KHDRBS2: variants seen among roughly 807,000 people sequenced by gnomAD.
The protein encoded by KHDRBS2 is KH RNA binding domain containing, signal transduction associated 2, also known as KH domain-containing, RNA-binding, signal transduction-associated protein 2.
In KHDRBS2, 26 loss-of-function variants were observed where a neutral mutation model predicts 44.3. That is an observed-to-expected ratio of 0.59 (90% CI 0.43 to 0.81). KHDRBS2 has a LOEUF of 0.81. KHDRBS2 is among the 40% of genes least tolerant of loss of function. The probability of loss-of-function intolerance (pLI) is 0.00; values close to 1 mark genes in which losing one functional copy is unlikely to be tolerated. For synonymous variants in KHDRBS2, 194 were observed against 151.1 expected (o/e 1.28, Z -2.08); for missense variants, 476 against 433.1 (o/e 1.10, Z -0.88).
intron 2 of KHDRBS2, among the ~76,000 whole-genome samples, chr6:62,090,226 T>C (rs1366545473): frequency 6.6e-6 from 1 of 152,226 alleles, no homozygotes; most frequent in Non-Finnish European, 1.5e-5. Context: ...TCCTTCACCA[T>C]ACTAAAGGAA....
intron 2 of KHDRBS2, among the ~76,000 whole-genome samples, chr6:62,066,145 T>C (rs1254692653): frequency 6.6e-6 from 1 of 151,640 alleles, no homozygotes; most frequent in South Asian, 2.1e-4. Context: ...CATTATTAAG[T>C]GAAAACTATT....
downstream of KHDRBS2, chr6:61,678,947 C>T (rs1766094266): frequency 6.6e-6 from 1 of 151,730 alleles, no homozygotes; most frequent in Admixed American, 6.6e-5. Flanking sequence ...TTTGTGGGTA[C>T]CTGAAATAAT....
intron 2 of KHDRBS2, among the ~76,000 whole-genome samples, chr6:62,071,588 T>G (rs1584509783): frequency 6.6e-6 from 1 of 152,308 alleles, no homozygotes; most frequent in South Asian, 2.1e-4. Context: ...CACCATTTAT[T>G]AAATAGGGAA....
intron 1 of KHDRBS2, among the ~76,000 whole-genome samples, chr6:62,248,805 A>T (rs145915062): frequency 6.6e-6 from 1 of 152,256 alleles, no homozygotes; most frequent in East Asian, 1.9e-4. Flanking sequence ...CAAAGTAAAC[A>T]TGCTGTACCA....
At chr6:62,079,662 T>C (rs950523417) in intron 2 of KHDRBS2, among the ~76,000 whole-genome samples, 3 of 152,176 alleles carry the variant, frequency 2.0e-5, no homozygotes, top group African/African-American at 4.8e-5. Flanking sequence ...CTTAATCCCA[T>C]GAAACTTTGA....
chr6:61,627,094 A>C, the KHDRBS2 span, among the ~76,000 whole-genome samples: 1 of 151,452 alleles, frequency 6.6e-6, no homozygotes, highest in Non-Finnish European at 1.5e-5. Context: ...TCTACTAAAA[A>C]TACAAAAAAT....
chr6:62,240,266 T>C (rs1280777228), intron 1 of KHDRBS2, among the ~76,000 whole-genome samples: 1 of 152,132 alleles, frequency 6.6e-6, no homozygotes, highest in Non-Finnish European at 1.5e-5. Flanking sequence ...TTCTAATATA[T>C]CCCCATCACT....
intron 2 of KHDRBS2, among the ~76,000 whole-genome samples, chr6:62,146,895 A>C (rs1814058704): frequency 6.6e-6 from 1 of 151,924 alleles, no homozygotes; most frequent in Non-Finnish European, 1.5e-5. Context: ...AGGCTTCTCC[A>C]TGGGTAAAGG....
chr6:61,576,177 TATG>T, the KHDRBS2 span, among the ~76,000 whole-genome samples: 1 of 152,190 alleles, frequency 6.6e-6, no homozygotes, highest in African/African-American at 2.4e-5. Flanking sequence ...CCTCGGGCAG[TATG>T]ATCATTTTAA....
At chr6:62,127,997 C>T (rs2150087586) in intron 2 of KHDRBS2, among the ~76,000 whole-genome samples, 1 of 152,278 alleles carries the variant, frequency 6.6e-6, no homozygotes, top group African/African-American at 2.4e-5. Flanking sequence ...ACCTGTCTTA[C>T]ATTTTTCCCA....
At chr6:61,761,341 T>C (rs553379255) in intron 6 of KHDRBS2, among the ~76,000 whole-genome samples, 2 of 152,338 alleles carry the variant, frequency 1.3e-5, no homozygotes, top group South Asian at 2.1e-4. Context: ...ACATGTCTGC[T>C]AAGGTATTCC....
chr6:62,235,323 ATGC>A (rs1030692430), intron 1 of KHDRBS2, among the ~76,000 whole-genome samples: 1 of 151,916 alleles, frequency 6.6e-6, no homozygotes, highest in Non-Finnish European at 1.5e-5. Context: ...AACCTTCCAA[ATGC>A]TCCTAGATAG....
At chr6:61,564,841 C>A in the KHDRBS2 span, among the ~76,000 whole-genome samples, 3 of 152,030 alleles carry the variant, frequency 2.0e-5, no homozygotes. Flanking sequence ...CCAAAGCAAT[C>A]CTCAGCAAAA....
At chr6:61,726,720 G>A (rs1773633002) in intron 7 of KHDRBS2, among the ~76,000 whole-genome samples, 1 of 152,154 alleles carries the variant, frequency 6.6e-6, no homozygotes. Context: ...AGCAAGGGAA[G>A]TGACGGATCT....
chr6:62,213,621 A>G (rs1019112392), intron 1 of KHDRBS2, among the ~76,000 whole-genome samples: 1 of 151,902 alleles, frequency 6.6e-6, no homozygotes, highest in Non-Finnish European at 1.5e-5. Context: ...TATCCTTATT[A>G]AAATAAAGAA....
intron 6 of KHDRBS2, among the ~76,000 whole-genome samples, chr6:61,894,194 A>G (rs1166290350): frequency 6.6e-6 from 1 of 152,150 alleles, no homozygotes; most frequent in Non-Finnish European, 1.5e-5. Flanking sequence ...TGAAAGAAAG[A>G]GTCAGGATAT....
intron 1 of KHDRBS2, among the ~76,000 whole-genome samples, chr6:62,196,972 T>C (rs1259685305): frequency 6.6e-6 from 1 of 152,108 alleles, no homozygotes; most frequent in Non-Finnish European, 1.5e-5. Context: ...ATGTCGTTCA[T>C]TCTATAGTCT....
In KHDRBS2 at chr6:62,011,188, A is replaced by G. The variant is rs1389723606; in HGVS notation, c.337-32976T>C. Among the ~76,000 whole-genome samples the G allele has an allele frequency of 9.9e-5, 15 of 152,194 alleles. 1 individual carries two copies. Among genetic ancestry groups the G allele is most frequent in the Admixed American group, 6.5e-5 (1 of 15,276 alleles). Reference sequence around the variant, plus strand: ...AAGGTTTTGCCTTCCATTCAGAATTACACATGCTAAAACTCAAGGAGCACC... The same window carrying G: ...AAGGTTTTGCCTTCCATTCAGAATTGCACATGCTAAAACTCAAGGAGCACC... On this transcript the variant is annotated intron_variant, in intron 3 of 8. Transcript: ENST00000281156.
intron 8 of KHDRBS2, among the ~76,000 whole-genome samples, chr6:61,692,046 A>G (rs1344713786): frequency 6.6e-6 from 1 of 152,130 alleles, no homozygotes; most frequent in Non-Finnish European, 1.5e-5. Context: ...CTTTTCTCAG[A>G]GAAGAGAATA....
Sources: allele counts gnomAD v4.1 joint callset (sites outside exome capture counted in the v4.1 genomes callset), GRCh38; gene constraint gnomAD v4.1.1; transcripts MANE v1.5; gene names NCBI Gene and HGNC (gene_info 2026-07-23, HGNC 2026-07-21).